PTPRD: variants seen among roughly 807,000 people sequenced by gnomAD.
The protein encoded by PTPRD is protein tyrosine phosphatase receptor type D, also known as receptor-type tyrosine-protein phosphatase delta.
In PTPRD, 34 loss-of-function variants were observed where a neutral mutation model predicts 214.5. The observed-to-expected ratio is 0.16, with a 90% CI of 0.12 to 0.21. The LOEUF is 0.21. Among genes scored for constraint, PTPRD ranks in the 10% least tolerant of loss-of-function variants. The pLI, the probability that PTPRD is intolerant of heterozygous loss-of-function variation, is 1.00. For synonymous variants in PTPRD, 1,128 were observed against 845.7 expected (o/e 1.33, Z -5.79); for missense variants, 2,545 against 2,398.7 (o/e 1.06, Z -1.27).
In PTPRD at chr9:10,605,397, A is replaced by C. The variant is rs557824360; in HGVS notation, c.-600+7001T>G. ...TCTGGCGATTTATTTGTGTTTTTAT[A>C]TTGTGTCAATATTAGGATAGTACGG... On this transcript the variant is annotated intron_variant, in intron 2 of 45. Transcript: ENST00000381196. 9.2e-5 allele frequency among the ~76,000 whole-genome samples: 14 copies of C among 151,998 alleles called. No homozygotes were observed. The East Asian group carries it at 2.7e-3, about 29-fold the overall frequency.
intron 10 of PTPRD, among the ~76,000 whole-genome samples, chr9:9,045,572 A>C (rs983322964): frequency 2.6e-5 from 4 of 152,182 alleles, no homozygotes; most frequent in African/African-American, 9.7e-5. Context: ...GGTTGCTTCT[A>C]TGTTATGAAG....
At chr9:8,873,854 G>T (rs1413632384) in intron 11 of PTPRD, among the ~76,000 whole-genome samples, 1 of 152,048 alleles carries the variant, frequency 6.6e-6, no homozygotes, top group East Asian at 1.9e-4. Flanking sequence ...GCCATTGAGG[G>T]TAGACTCCAT....
intron 8 of PTPRD, among the ~76,000 whole-genome samples, chr9:9,504,634 AC>A (rs1301136319): frequency 6.6e-6 from 1 of 151,688 alleles, no homozygotes; most frequent in Non-Finnish European, 1.5e-5. Context: ...TCAACATAGT[AC>A]TAAAAGTCTT....
At chr9:9,880,045 G>C (rs1475653202) in intron 5 of PTPRD, among the ~76,000 whole-genome samples, 1 of 152,020 alleles carries the variant, frequency 6.6e-6, no homozygotes, top group Non-Finnish European at 1.5e-5. Flanking sequence ...CACATGTCGA[G>C]GGGGGGACCT....
intron 14 of PTPRD, among the ~76,000 whole-genome samples, chr9:8,534,168 C>T (rs988848978): frequency 4.6e-5 from 7 of 151,884 alleles, no homozygotes; most frequent in African/African-American, 1.5e-4. Context: ...CAATTTAGTC[C>T]TTGCTTCCTT....
intron 10 of PTPRD, among the ~76,000 whole-genome samples, chr9:9,105,493 A>T (rs1341438457): frequency 2.0e-5 from 3 of 152,206 alleles, no homozygotes; most frequent in African/African-American, 7.2e-5. Flanking sequence ...TTTTCTGCTG[A>T]TCTGAAGTAA....
intron 21 of PTPRD, among the ~76,000 whole-genome samples, chr9:8,510,694 C>T (rs1054671091): frequency 6.6e-6 from 1 of 152,122 alleles, no homozygotes; most frequent in Admixed American, 6.5e-5. Flanking sequence ...CTTAAGAGTG[C>T]ACTACCCACA....
intron 5 of PTPRD, among the ~76,000 whole-genome samples, chr9:9,935,056 G>C (rs889438618): frequency 1.5e-4 from 23 of 152,038 alleles, no homozygotes; most frequent in Non-Finnish European, 3.1e-4. Context: ...AATAAATTAG[G>C]TATTGATGGG....
At chr9:9,487,977 T>C (rs2095725542) in intron 8 of PTPRD, among the ~76,000 whole-genome samples, 1 of 152,146 alleles carries the variant, frequency 6.6e-6, no homozygotes, top group East Asian at 1.9e-4. Context: ...TTCTGAGTAT[T>C]TTTCCCATGA....
chr9:8,567,693 C>A (rs558762687), intron 14 of PTPRD, among the ~76,000 whole-genome samples: 12 of 152,158 alleles, frequency 7.9e-5, no homozygotes, highest in African/African-American at 2.9e-4. Context: ...TTTTGGTACA[C>A]AGTAGATATT....
At chr9:9,703,120 C>T (rs1388033204) in intron 7 of PTPRD, among the ~76,000 whole-genome samples, 3 of 152,092 alleles carry the variant, frequency 2.0e-5, no homozygotes, top group East Asian at 1.9e-4. Flanking sequence ...ATGCTGTTCT[C>T]GCGATGGTGA....
Position 10,489,649 on chromosome 9 carries a change from T to C in PTPRD, c.-600+122749A>G, listed in dbSNP as rs73392283. The stretch of plus-strand genomic sequence containing the variant: ...ATCATTGTAGTACCTCTGCAGCTGC[T>C]GCAAGTCTTGCAGATCCTCAAGTTC... On this transcript the variant is annotated intron_variant, in intron 2 of 45. Transcript: ENST00000381196. Among the ~76,000 whole-genome samples, 931 of 152,274 alleles carry C rather than the reference T, an allele frequency of 6.1e-3. 6 individuals carry two copies. The highest frequency in any genetic ancestry group is 0.022 in the African/African-American group (898 of 41,548).
intron 33 of PTPRD, among the ~76,000 whole-genome samples, chr9:8,454,370 A>G (rs776050741): frequency 6.6e-6 from 1 of 152,170 alleles, no homozygotes; most frequent in African/African-American, 2.4e-5. Flanking sequence ...TTCGCCTTTA[A>G]TCTGTTTTTT....
At chr9:9,455,636 T>C in intron 8 of PTPRD, among the ~76,000 whole-genome samples, 1 of 151,680 alleles carries the variant, frequency 6.6e-6, no homozygotes, top group African/African-American at 2.4e-5. Flanking sequence ...GAGATCCAAG[T>C]AACTGAATCA....
At chr9:8,367,330 T>C (rs942941319) in intron 39 of PTPRD, among the ~76,000 whole-genome samples, 1 of 152,140 alleles carries the variant, frequency 6.6e-6, no homozygotes, top group Non-Finnish European at 1.5e-5. Flanking sequence ...GTGGTTTTCA[T>C]GTAGGGGCGA....
chr9:9,839,817 A>G (rs2057834916), intron 5 of PTPRD, among the ~76,000 whole-genome samples: 1 of 152,122 alleles, frequency 6.6e-6, no homozygotes, highest in Admixed American at 6.6e-5. Context: ...CATTTTTTTA[A>G]GAAGCCTCGA....
intron 10 of PTPRD, among the ~76,000 whole-genome samples, chr9:9,128,990 AT>A (rs2099838403): frequency 6.6e-6 from 1 of 152,230 alleles, no homozygotes; most frequent in East Asian, 1.9e-4. Context: ...AGAAGATTCT[AT>A]TTGGGAAATA....
In PTPRD at chr9:10,404,633, A is replaced by T. The variant is rs2098330139; in HGVS notation, c.-599-63616T>A. On this transcript the variant is annotated intron_variant, in intron 2 of 45. Transcript: ENST00000381196. ...GACAAGTAGCAATTATTGAGTATGA[A>T]CTTCTAGAAATTATCATTTCATGTT... Among the ~76,000 whole-genome samples the T allele has an allele frequency of 4.0e-5, 2 of 50,306 alleles. 1 individual carries two copies. The highest frequency in any genetic ancestry group is 1.1e-4 in the Non-Finnish European group (2 of 17,946). 33.0% of individuals were successfully genotyped at this position (50,306 alleles called of 152,430 possible).
intron 11 of PTPRD, among the ~76,000 whole-genome samples, chr9:8,951,138 A>AGTGTGT (rs56212369): frequency 1.2e-3 from 171 of 147,200 alleles, no homozygotes; most frequent in Middle Eastern, 3.5e-3. Context: ...TAGGAAAAAG[A>AGTGTGT]GTGTGTGTGT....
Sources: allele counts gnomAD v4.1 joint callset (sites outside exome capture counted in the v4.1 genomes callset), GRCh38; gene constraint gnomAD v4.1.1; transcripts MANE v1.5; gene names NCBI Gene and HGNC (gene_info 2026-07-23, HGNC 2026-07-21).